Variants in RSRC1 observed in about 807,000 individuals in gnomAD.
The protein encoded by RSRC1 is serine/Arginine-related protein 53.
RSRC1 carries 39 observed loss-of-function variants against 49.1 expected under a neutral mutation model. The ratio of observed to expected loss-of-function variants is 0.79; its 90% confidence interval spans 0.61 to 1.04. The LOEUF is 1.04. Ranked by LOEUF, RSRC1 falls within the 50% of genes least tolerant of loss-of-function variation. RSRC1 has a pLI of 0.00. For synonymous variants in RSRC1, 143 were observed against 130.8 expected (o/e 1.09, Z -0.63); for missense variants, 388 against 402.4 (o/e 0.96, Z 0.31).
intron 6 of RSRC1, among the ~76,000 whole-genome samples, chr3:158,365,013 G>A (rs1486784807): frequency 1.3e-5 from 2 of 151,956 alleles, no homozygotes; most frequent in South Asian, 2.1e-4. Context: ...TTAGCTAGTA[G>A]GAGTAGTTTT....
intron 3 of RSRC1, among the ~76,000 whole-genome samples, chr3:158,141,959 G>A (rs1174264351): frequency 1.3e-5 from 2 of 152,098 alleles, no homozygotes; most frequent in Non-Finnish European, 2.9e-5. Context: ...TTAGCCGGGC[G>A]TGGTGGTGCA....
intron 3 of RSRC1, among the ~76,000 whole-genome samples, chr3:158,190,894 T>C (rs1215200122): frequency 1.3e-5 from 2 of 151,498 alleles, no homozygotes; most frequent in Admixed American, 6.6e-5. Context: ...CACTGTATTG[T>C]TTAGCATCGT....
At chr3:158,451,524 G>C (rs1483052039) in intron 6 of RSRC1, among the ~76,000 whole-genome samples, 1 of 151,962 alleles carries the variant, frequency 6.6e-6, no homozygotes, top group African/African-American at 2.4e-5. Flanking sequence ...TGGCACTTCA[G>C]TCACCTGGTT....
At chr3:158,185,666 A>G (rs538731139) in intron 3 of RSRC1, among the ~76,000 whole-genome samples, 8 of 151,964 alleles carry the variant, frequency 5.3e-5, no homozygotes, top group Non-Finnish European at 8.8e-5. Context: ...AAAGCCATAA[A>G]GTTTTAAATA....
intron 1 of RSRC1, among the ~76,000 whole-genome samples, chr3:158,111,269 A>G (rs995194044): frequency 5.3e-5 from 8 of 152,214 alleles, no homozygotes; most frequent in African/African-American, 1.7e-4. Flanking sequence ...TTTGCAGGCA[A>G]AGATTTCATG....
At chr3:158,543,715 G>C in intron 9 of RSRC1, 1 of 407,780 alleles carries the variant, frequency 2.5e-6, no homozygotes, top group South Asian at 7.8e-5. Context: ...TCTGTCTATG[G>C]TTAAGAAAAA....
At chr3:158,374,936 TAA>T (rs1732275373) in intron 6 of RSRC1, among the ~76,000 whole-genome samples, 1 of 152,078 alleles carries the variant, frequency 6.6e-6, no homozygotes, top group African/African-American at 2.4e-5. Context: ...TTATTGGCTC[TAA>T]GTTATTTGAT....
At chr3:158,176,428 G>A (rs1719223248) in intron 3 of RSRC1, among the ~76,000 whole-genome samples, 1 of 152,146 alleles carries the variant, frequency 6.6e-6, no homozygotes, top group South Asian at 2.1e-4. Flanking sequence ...TAACCAAAAA[G>A]CATGGTACTG....
chr3:158,265,688 G>A (rs1319648647), intron 4 of RSRC1, among the ~76,000 whole-genome samples: 3 of 151,928 alleles, frequency 2.0e-5, no homozygotes, highest in Non-Finnish European at 4.4e-5. Context: ...CAAAAGCTAT[G>A]ACTTTTTTTC....
chr3:158,187,349 T>C (rs930365151), intron 3 of RSRC1, among the ~76,000 whole-genome samples: 1 of 152,030 alleles, frequency 6.6e-6, no homozygotes, highest in Non-Finnish European at 1.5e-5. Flanking sequence ...ATGAGACATA[T>C]ACTAAACAAG....
At chr3:158,324,757 A>G (rs554500753) in intron 5 of RSRC1, among the ~76,000 whole-genome samples, 1 of 152,192 alleles carries the variant, frequency 6.6e-6, no homozygotes, top group Non-Finnish European at 1.5e-5. Flanking sequence ...CAGTAATGAG[A>G]TGGCTAGGTC....
chr3:158,243,333 A>G (rs1298943732), intron 4 of RSRC1, among the ~76,000 whole-genome samples: 1 of 151,996 alleles, frequency 6.6e-6, no homozygotes, highest in Non-Finnish European at 1.5e-5. Flanking sequence ...TGTTTTTGTC[A>G]GGTTTGTCAG....
chr3:158,476,119 C>T (rs564059457), intron 7 of RSRC1, among the ~76,000 whole-genome samples: 13 of 152,226 alleles, frequency 8.5e-5, no homozygotes, highest in Admixed American at 1.3e-4. Flanking sequence ...CATTCCCTTA[C>T]GTCAAAGCCA....
chr3:158,181,194 T>C (rs1014816010), intron 3 of RSRC1, among the ~76,000 whole-genome samples: 3 of 152,170 alleles, frequency 2.0e-5, no homozygotes, highest in Non-Finnish European at 4.4e-5. Context: ...CTATTTCTGT[T>C]CCTGAAAATT....
chr3:158,470,680 A>T (rs1738098217), intron 7 of RSRC1, among the ~76,000 whole-genome samples: 1 of 152,194 alleles, frequency 6.6e-6, no homozygotes, highest in African/African-American at 2.4e-5. Context: ...TTGATAACTT[A>T]CCACTGTTTT....
At chr3:158,375,937 A>G (rs1732333302) in intron 6 of RSRC1, among the ~76,000 whole-genome samples, 1 of 152,094 alleles carries the variant, frequency 6.6e-6, no homozygotes, top group African/African-American at 2.4e-5. Flanking sequence ...TTCTTTAGCC[A>G]TGGATGGTTT....
chr3:158,317,484 C>T (rs1426874311), intron 5 of RSRC1, among the ~76,000 whole-genome samples: 2 of 151,996 alleles, frequency 1.3e-5, no homozygotes, highest in Non-Finnish European at 2.9e-5. Context: ...CCCGCCTTGG[C>T]CTCCCAAAGT....
At chr3:158,496,372 G>A (rs1167709891) in intron 7 of RSRC1, among the ~76,000 whole-genome samples, 3 of 152,170 alleles carry the variant, frequency 2.0e-5, no homozygotes, top group African/African-American at 7.2e-5. Context: ...CTGAGATAGG[G>A]ACTAAGGATT....
intron 1 of RSRC1, among the ~76,000 whole-genome samples, chr3:158,119,137 T>C (rs1310450605): frequency 6.6e-6 from 1 of 152,328 alleles, no homozygotes; most frequent in East Asian, 1.9e-4. Context: ...ATGGAGGGAC[T>C]CAGGGACACT....
Sources: allele counts gnomAD v4.1 joint callset (sites outside exome capture counted in the v4.1 genomes callset), GRCh38; gene constraint gnomAD v4.1.1; transcripts MANE v1.5; gene names NCBI Gene and HGNC (gene_info 2026-07-23, HGNC 2026-07-21).